Variants in ROBO2 observed in about 807,000 individuals in gnomAD.
ROBO2 encodes roundabout guidance receptor 2, also known as roundabout homolog 2.
Under a neutral mutation model 160.8 loss-of-function variants are expected in ROBO2, and 53 were observed. The observed-to-expected ratio is 0.33, with a 90% CI of 0.26 to 0.41. ROBO2 has a LOEUF of 0.41. Ranked by LOEUF, ROBO2 falls within the 10% of genes least tolerant of loss-of-function variation. The probability of loss-of-function intolerance (pLI) is 1.00; values close to 1 mark genes in which losing one functional copy is unlikely to be tolerated. For synonymous variants in ROBO2, 664 were observed against 611.7 expected, an observed-to-expected ratio of 1.09 and a Z score of -1.26; for missense variants, 1,577 against 1,722.4, an observed-to-expected ratio of 0.92 and a Z score of 1.49.
chr3:77,491,449 A>ATGATTTATT (rs2086101098), intron 4 of ROBO2, among the ~76,000 whole-genome samples: 1 of 152,142 alleles, frequency 6.6e-6, no homozygotes, highest in Admixed American at 6.6e-5. Flanking sequence ...TCCTATGTGA[A>ATGATTTATT]TGATTTATTT....
chr3:77,592,247 T>G (rs925651724), intron 17 of ROBO2, among the ~76,000 whole-genome samples: 14 of 152,106 alleles, frequency 9.2e-5, no homozygotes, highest in Non-Finnish European at 2.1e-4. Flanking sequence ...ATTTACATAA[T>G]GTGTGAAGTT....
At chr3:76,822,850 T>G (rs1316174027) in intron 2 of ROBO2, among the ~76,000 whole-genome samples, 1 of 152,056 alleles carries the variant, frequency 6.6e-6, no homozygotes, top group Non-Finnish European at 1.5e-5. Context: ...ACTTCTTTTA[T>G]TTCTATATAA....
intron 2 of ROBO2, among the ~76,000 whole-genome samples, chr3:76,560,401 A>AG (rs899378981): frequency 6.6e-5 from 10 of 152,076 alleles, no homozygotes; most frequent in Admixed American, 6.6e-4. Flanking sequence ...AGAGCTATCA[A>AG]ATATTATCTT....
chr3:76,289,574 G>C (rs1490341267), intron 2 of ROBO2, among the ~76,000 whole-genome samples: 4 of 152,054 alleles, frequency 2.6e-5, no homozygotes, highest in Admixed American at 1.3e-4. Flanking sequence ...TGGAGCCTAG[G>C]TACACAATCA....
Position 77,335,905 on chromosome 3 carries a change from T to A in ROBO2, c.389-141509T>A, listed in dbSNP as rs188241042. Among the ~76,000 whole-genome samples the A allele has an allele frequency of 4.6e-5, 7 of 152,346 alleles. No individual in the cohort carries two copies. The East Asian group carries it at 1.4e-3, about 29-fold the overall frequency. ...CTGCTAACTGAGTCAGTTAATGATGTCCTAATGGTTTGATGGGGAGAAAAA... is the reference window on the plus strand; with the variant it reads ...CTGCTAACTGAGTCAGTTAATGATGACCTAATGGTTTGATGGGGAGAAAAA... On this transcript the variant is annotated intron_variant, in intron 2 of 25. Coordinates refer to ENST00000461745, the Ensembl canonical transcript of ROBO2.
At chr3:76,343,406 A>T (rs2074345232) in intron 2 of ROBO2, among the ~76,000 whole-genome samples, 1 of 152,096 alleles carries the variant, frequency 6.6e-6, no homozygotes, top group African/African-American at 2.4e-5. Context: ...AATGACTGGT[A>T]ACACACAGGT....
chr3:77,030,961 C>A (rs1446266570), intron 2 of ROBO2, among the ~76,000 whole-genome samples: 1 of 152,112 alleles, frequency 6.6e-6, no homozygotes, highest in Non-Finnish European at 1.5e-5. Flanking sequence ...ACCTGTATTG[C>A]CCCCATGAAT....
intron 2 of ROBO2, among the ~76,000 whole-genome samples, chr3:77,327,232 C>T (rs1400088065): frequency 1.3e-5 from 2 of 152,268 alleles, no homozygotes; most frequent in African/African-American, 4.8e-5. Context: ...AGCGGCAGTT[C>T]TATGAGAATA....
chr3:77,143,476 G>C (rs2076883758), intron 2 of ROBO2, among the ~76,000 whole-genome samples: 1 of 152,054 alleles, frequency 6.6e-6, no homozygotes, highest in Non-Finnish European at 1.5e-5. Context: ...GATTACAGGT[G>C]TCAGCCACTG....
chr3:76,130,412 G>A (rs1208948704), intron 2 of ROBO2, among the ~76,000 whole-genome samples: 3 of 152,076 alleles, frequency 2.0e-5, no homozygotes, highest in Non-Finnish European at 2.9e-5. Flanking sequence ...AAAACACTGA[G>A]AAATTTAAAA....
intron 2 of ROBO2, among the ~76,000 whole-genome samples, chr3:76,954,599 T>C (rs1423975032): frequency 6.6e-6 from 1 of 152,154 alleles, no homozygotes. Flanking sequence ...AAAAGCATGA[T>C]GAAAATAAAC....
chr3:76,247,542 G>A (rs941821049), intron 2 of ROBO2, among the ~76,000 whole-genome samples: 1 of 152,010 alleles, frequency 6.6e-6, no homozygotes, highest in East Asian at 1.9e-4. Flanking sequence ...ATGACACATT[G>A]GGCTTCTTTT....
chr3:77,253,744 T>A (rs1454039845), intron 2 of ROBO2, among the ~76,000 whole-genome samples: 1 of 152,150 alleles, frequency 6.6e-6, no homozygotes, highest in Admixed American at 6.5e-5. Context: ...GTCATTTCCA[T>A]AAAAAGGCTG....
intron 2 of ROBO2, among the ~76,000 whole-genome samples, chr3:76,058,246 CT>C (rs2067925005): frequency 6.6e-6 from 1 of 152,082 alleles, no homozygotes; most frequent in African/African-American, 2.4e-5. Context: ...AATACTGTCC[CT>C]CCCATAACCC....
intron 2 of ROBO2, among the ~76,000 whole-genome samples, chr3:76,895,409 CATAA>C (rs2074690390): frequency 1.3e-5 from 2 of 151,856 alleles, no homozygotes; most frequent in South Asian, 4.1e-4. Context: ...TGTTTGCTGT[CATAA>C]ATAAGTATTA....
intron 2 of ROBO2, among the ~76,000 whole-genome samples, chr3:77,233,727 C>T (rs2087541985): frequency 6.6e-6 from 1 of 151,978 alleles, no homozygotes; most frequent in Non-Finnish European, 1.5e-5. Flanking sequence ...CATTCATATA[C>T]TGATGTTTAT....
At chr3:76,684,468 G>A (rs2092641858) in intron 2 of ROBO2, among the ~76,000 whole-genome samples, 1 of 152,028 alleles carries the variant, frequency 6.6e-6, no homozygotes, top group South Asian at 2.1e-4. Context: ...GAGAAAAAGG[G>A]CAATACTAAA....
At chr3:76,087,882 T>C (rs2069078149) in intron 2 of ROBO2, among the ~76,000 whole-genome samples, 1 of 152,020 alleles carries the variant, frequency 6.6e-6, no homozygotes, top group Non-Finnish European at 1.5e-5. Flanking sequence ...GGCAATCAAT[T>C]TTAATTCTAA....
chr3:76,375,224 G>C (rs1345507787), intron 2 of ROBO2, among the ~76,000 whole-genome samples: 1 of 151,920 alleles, frequency 6.6e-6, no homozygotes, highest in Non-Finnish European at 1.5e-5. Flanking sequence ...ATTTGTGTTA[G>C]AAAGTTTTCT....
Sources: gnomAD v4.1 joint callset for allele counts (sites outside exome capture counted in the v4.1 genomes callset) on GRCh38, gnomAD v4.1.1 for gene constraint, MANE v1.5 for transcripts, NCBI Gene and HGNC (gene_info 2026-07-23, HGNC 2026-07-21) for gene names.